The following ASIC2 variants were observed in gnomAD, a reference collection of about 807,000 sequenced individuals.
ASIC2 encodes acid sensing ion channel subunit 2.
ASIC2 carries 25 observed loss-of-function variants against 57.3 expected under a neutral mutation model. The ratio of observed to expected loss-of-function variants is 0.44; its 90% CI spans 0.32 to 0.61. ASIC2 has a LOEUF of 0.61. ASIC2 is among the 20% of genes least tolerant of loss of function. ASIC2 has a pLI of 0.06. For missense variants in ASIC2, 641 were observed against 738.1 expected (o/e 0.87, Z 1.52); for synonymous variants, 319 against 307.5 (o/e 1.04, Z -0.39).
chr17:33,816,715 G>A (rs1912594022), intron 1 of ASIC2: 1 of 152,204 alleles, frequency 6.6e-6, no homozygotes, highest in African/African-American at 2.4e-5. Flanking sequence ...GAGAGGGGAA[G>A]AATCCCTCCA....
In ASIC2 at chr17:33,292,265, C is replaced by T; in HGVS notation, c.-150G>A. On this transcript the variant is annotated 5_prime_UTR_variant, in exon 1 of 10. Coordinates refer to ENST00000225823, the MANE Select transcript of ASIC2 (RefSeq NM_183377.2). ...GCGCCCGAAAGGAGCTCCGGTGGCG[C>T]GGCATGCCCGCCCGGCGCCGCCGCT... 2 of 990,716 alleles carry T rather than the reference C, an allele frequency of 2.0e-6. No individual in the cohort carries two copies. The highest frequency in any genetic ancestry group is 2.4e-6 in the Non-Finnish European group (2 of 834,948). The allele number at this position is 990,716 out of a possible 1,614,324, so 61.4% of individuals were successfully genotyped here.
intron 1 of ASIC2, among the ~76,000 whole-genome samples, chr17:33,153,548 T>G (rs1248893553): frequency 6.6e-6 from 1 of 152,150 alleles, no homozygotes; most frequent in Admixed American, 6.5e-5. Flanking sequence ...TCTGGTTTCT[T>G]GGGTGCAGTA....
chr17:33,177,516 G>C (rs1019208027), intron 1 of ASIC2, among the ~76,000 whole-genome samples: 2 of 152,124 alleles, frequency 1.3e-5, no homozygotes, highest in African/African-American at 4.8e-5. Flanking sequence ...AGAGGAAAGG[G>C]TGAGCTGGAG....
intron 2 of ASIC2, among the ~76,000 whole-genome samples, chr17:33,110,233 T>C (rs1372290622): frequency 6.6e-6 from 1 of 152,204 alleles, no homozygotes; most frequent in Non-Finnish European, 1.5e-5. Flanking sequence ...ATTAATCATA[T>C]AAGTTCTGGT....
chr17:33,538,026 A>C (rs1660463774), intron 1 of ASIC2, among the ~76,000 whole-genome samples: 2 of 152,204 alleles, frequency 1.3e-5, no homozygotes, highest in Non-Finnish European at 2.9e-5. Flanking sequence ...GGTTAATGAT[A>C]TCCTCCTATG....
At chr17:33,580,847 C>G (rs1280083775) in intron 1 of ASIC2, among the ~76,000 whole-genome samples, 2 of 152,162 alleles carry the variant, frequency 1.3e-5, no homozygotes, top group Non-Finnish European at 2.9e-5. Flanking sequence ...GGGATACAAG[C>G]ACTACAAGTG....
chr17:33,087,668 C>T (rs560047024), intron 3 of ASIC2, among the ~76,000 whole-genome samples: 1 of 139,860 alleles, frequency 7.2e-6, no homozygotes, highest in South Asian at 2.3e-4. Flanking sequence ...CTCAAGTGAT[C>T]CTCCCACCTC....
chr17:34,132,217 G>C (rs543059633), intron 1 of ASIC2, among the ~76,000 whole-genome samples: 42 of 152,294 alleles, frequency 2.8e-4, no homozygotes, highest in Non-Finnish European at 4.1e-4. Flanking sequence ...GTTCCTCCCG[G>C]TAAGTTCGTG....
intron 1 of ASIC2, among the ~76,000 whole-genome samples, chr17:33,662,661 AAATAAAT>A (rs779997545): frequency 0.11 from 16,584 of 146,438 alleles, 1,132 homozygotes; most frequent in African/African-American, 0.13. Flanking sequence ...ATAAATAAAT[AAATAAAT>A]AAGTAAAATA....
At chr17:33,031,887 C>T (rs894434931) in intron 3 of ASIC2, among the ~76,000 whole-genome samples, 16 of 152,190 alleles carry the variant, frequency 1.1e-4, no homozygotes, top group African/African-American at 3.6e-4. Flanking sequence ...GTTTACTTTG[C>T]ATGATAACAG....
intron 1 of ASIC2, among the ~76,000 whole-genome samples, chr17:33,518,142 G>C (rs1045892053): frequency 5.9e-5 from 9 of 152,170 alleles, no homozygotes; most frequent in Non-Finnish European, 1.2e-4. Context: ...TTGGAGAAGG[G>C]CTAATAGAAA....
intron 1 of ASIC2, among the ~76,000 whole-genome samples, chr17:34,058,584 C>T (rs144856142): frequency 6.5e-4 from 99 of 152,308 alleles, no homozygotes; most frequent in South Asian, 2.7e-3. Context: ...GGCCTTGAAA[C>T]GCTGTCCTTG....
chr17:33,324,449 C>T (rs1398314459), intron 1 of ASIC2, among the ~76,000 whole-genome samples: 2 of 152,092 alleles, frequency 1.3e-5, no homozygotes, highest in Non-Finnish European at 2.9e-5. Context: ...CCATTTATTG[C>T]CTGCCTGCTG....
In ASIC2 at chr17:33,735,719, T is replaced by C. The variant is rs112672199; in HGVS notation, c.555+420259A>G. On this transcript the variant is annotated intron_variant, in intron 1 of 9. Coordinates refer to the ASIC2 transcript ENST00000359872. ...CCTCAACAGCGGCTACCCACCTCCA[T>C]TGAGCACTCCCTGGGATCACTCACT... 6.3e-3 allele frequency among the ~76,000 whole-genome samples: 955 copies of C among 152,212 alleles called. 12 individuals are homozygous for C. Among genetic ancestry groups the C allele is most frequent in the African/African-American group, 0.022 (927 of 41,546 alleles).
intron 1 of ASIC2, among the ~76,000 whole-genome samples, chr17:33,510,652 A>T (rs1475240116): frequency 2.0e-5 from 3 of 152,188 alleles, no homozygotes; most frequent in Non-Finnish European, 2.9e-5. Flanking sequence ...TAAACATTAA[A>T]TTTTTTAAAA....
chr17:33,694,709 G>T (rs928572435), intron 1 of ASIC2, among the ~76,000 whole-genome samples: 1 of 152,160 alleles, frequency 6.6e-6, no homozygotes, highest in South Asian at 2.1e-4. Flanking sequence ...GAGAGAACAG[G>T]GGGTGAGATA....
chr17:33,956,542 G>A lies in ASIC2; in HGVS notation c.555+199436C>T, dbSNP rs973555437. Among the ~76,000 whole-genome samples, 11 of 152,160 alleles carry A rather than the reference G, an allele frequency of 7.2e-5. No individual in the cohort carries two copies. The East Asian group carries it at 2.1e-3, about 29-fold the overall frequency. ...AGGAGTAAGAACCAGCTGGGGAAAA[G>A]CCAACTCAGGAGCCTACCTACCTCT... On this transcript the variant is annotated intron_variant, in intron 1 of 9. Coordinates refer to the ASIC2 transcript ENST00000359872.
intron 1 of ASIC2, among the ~76,000 whole-genome samples, chr17:33,485,762 G>T (rs571437963): frequency 3.3e-5 from 5 of 152,310 alleles, no homozygotes; most frequent in South Asian, 4.1e-4. Context: ...GAACTTGGGG[G>T]ATATTTTGGA....
chr17:33,089,021 G>T (rs1443638835), intron 2 of ASIC2, 31 bp from the exon 3 acceptor site: 3 of 1,612,884 alleles, frequency 1.9e-6, no homozygotes, highest in Non-Finnish European at 2.5e-6. Context: ...AGAGCCACGG[G>T]TCAGTAACAA....
Sources: gnomAD v4.1 joint callset for allele counts (sites outside exome capture counted in the v4.1 genomes callset) on GRCh38, gnomAD v4.1.1 for gene constraint, MANE v1.5 for transcripts, NCBI Gene and HGNC (gene_info 2026-07-23, HGNC 2026-07-21) for gene names.